The following GABRA4 variants were observed in gnomAD, a reference collection of about 807,000 sequenced individuals.
The protein encoded by GABRA4 is gamma-aminobutyric acid type A receptor subunit alpha4.
In GABRA4, 12 loss-of-function variants were observed where a neutral mutation model predicts 49.7. That is an observed-to-expected ratio of 0.24 (90% CI 0.15 to 0.39). GABRA4 has a LOEUF of 0.39. GABRA4 is among the 10% of genes least tolerant of loss of function. GABRA4 has a pLI of 1.00. For synonymous variants in GABRA4, 288 were observed against 240.2 expected, an observed-to-expected ratio of 1.20 and a Z score of -1.84; for missense variants, 506 against 686.0, an observed-to-expected ratio of 0.74 and a Z score of 2.93.
intron 8 of GABRA4, among the ~76,000 whole-genome samples, chr4:46,958,826 A>T (rs1722458792): frequency 6.6e-6 from 1 of 152,012 alleles, no homozygotes; most frequent in South Asian, 2.1e-4. Context: ...GGTCACATAT[A>T]GTGATGATGA....
At chr4:46,930,473 T>C (rs1038249466) in intron 8 of GABRA4, among the ~76,000 whole-genome samples, 1 of 151,968 alleles carries the variant, frequency 6.6e-6, no homozygotes, top group African/African-American at 2.4e-5. Flanking sequence ...AAAGAGCATA[T>C]ATAATCATTG....
rs1037270390 is a variant in GABRA4 at position 46,992,819 on chromosome 4, C to A, written c.205+9G>T. 1 of 1,600,854 alleles carries A rather than the reference C, an allele frequency of 6.2e-7. No homozygotes were observed. Among genetic ancestry groups the A allele is most frequent in the African/African-American group, 1.3e-5 (1 of 74,776 alleles). ...CAGGACACACTTGCGCGTTTGAAAT[C>A]GTTCATACCCCCAAATCCAGGACGC... On this transcript the variant is annotated intron_variant, in intron 2 of 8. Coordinates refer to ENST00000264318, the MANE Select transcript of GABRA4 (RefSeq NM_000809.4).
At chr4:46,967,567 T>C (rs527841711) in intron 7 of GABRA4, among the ~76,000 whole-genome samples, 1 of 151,764 alleles carries the variant, frequency 6.6e-6, no homozygotes, top group Admixed American at 6.6e-5. Context: ...TGGATTATAC[T>C]GGTTTATTAT....
intron 8 of GABRA4, among the ~76,000 whole-genome samples, chr4:46,929,817 A>G (rs1343862590): frequency 6.6e-6 from 1 of 152,040 alleles, no homozygotes; most frequent in Non-Finnish European, 1.5e-5. Flanking sequence ...TTACCATTTC[A>G]TGAAGTAGAT....
chr4:46,975,206 T>A (rs1723098069), intron 5 of GABRA4, among the ~76,000 whole-genome samples: 1 of 151,948 alleles, frequency 6.6e-6, no homozygotes, highest in Non-Finnish European at 1.5e-5. Context: ...CAAACCATCC[T>A]AAAATGGCTA....
At chr4:46,961,528 G>A (rs12696822) in intron 8 of GABRA4, among the ~76,000 whole-genome samples, 79,095 of 151,660 alleles carry the variant, frequency 0.52, 20,939 homozygotes, top group East Asian at 0.7. Context: ...TACACTATCG[G>A]CTCACAGATT....
intron 8 of GABRA4, 74 bp downstream of exon 8, chr4:46,964,896 A>T: frequency 6.9e-7 from 1 of 1,448,396 alleles, no homozygotes; most frequent in East Asian, 2.3e-5. Flanking sequence ...TTAAGTTCTC[A>T]GTTTGTTTCC....
At chr4:46,993,279 C>T (rs79099349) in intron 1 of GABRA4, 60 bp downstream of exon 1, 2,672 of 1,448,632 alleles carry the variant, frequency 1.8e-3, no homozygotes, top group Non-Finnish European at 2.1e-3. Context: ...CAAAGGGGTC[C>T]CGGAGCTAGC....
At chr4:46,964,766 A>G (rs998862185) in intron 8 of GABRA4, among the ~76,000 whole-genome samples, 3 of 151,838 alleles carry the variant, frequency 2.0e-5, no homozygotes, top group Non-Finnish European at 4.4e-5. Context: ...GCCTACATCT[A>G]GCTCTGTCAC....
chr4:46,930,368 GA>G (rs1325291045), intron 8 of GABRA4, among the ~76,000 whole-genome samples: 1 of 151,938 alleles, frequency 6.6e-6, no homozygotes, highest in Non-Finnish European at 1.5e-5. Context: ...TCTTGTTACA[GA>G]AAAGGATAGT....
At chr4:46,950,375 C>T (rs1722128377) in intron 8 of GABRA4, among the ~76,000 whole-genome samples, 1 of 152,004 alleles carries the variant, frequency 6.6e-6, no homozygotes, top group Admixed American at 6.6e-5. Flanking sequence ...AACAAATAAC[C>T]TAACGAATTT....
intron 8 of GABRA4, among the ~76,000 whole-genome samples, chr4:46,942,340 A>G (rs1721831821): frequency 6.6e-6 from 1 of 152,044 alleles, no homozygotes; most frequent in Admixed American, 6.6e-5. Context: ...TTTTTAACTC[A>G]TTGTTACTTG....
chr4:46,947,398 C>T (rs1722018438), intron 8 of GABRA4, among the ~76,000 whole-genome samples: 1 of 152,016 alleles, frequency 6.6e-6, no homozygotes, highest in Non-Finnish European at 1.5e-5. Context: ...TGAATTCTGT[C>T]TGCCTGCGTT....
intron 8 of GABRA4, among the ~76,000 whole-genome samples, chr4:46,931,717 T>G (rs1721442034): frequency 6.6e-6 from 1 of 152,108 alleles, no homozygotes; most frequent in South Asian, 2.1e-4. Flanking sequence ...AGTTCTTACT[T>G]GCTTACACTC....
intron 2 of GABRA4, among the ~76,000 whole-genome samples, chr4:46,984,937 A>G (rs886221672): frequency 1.3e-5 from 2 of 152,030 alleles, no homozygotes; most frequent in African/African-American, 4.8e-5. Flanking sequence ...CTTGATATAT[A>G]TGCAAAAGAA....
intron 8 of GABRA4, among the ~76,000 whole-genome samples, chr4:46,954,556 C>CAAA (rs60422399): frequency 1.0e-4 from 9 of 88,850 alleles, no homozygotes; most frequent in African/African-American, 3.7e-4. Flanking sequence ...AAACGCCATC[C>CAAA]AAAAAAAAAA....
chr4:46,980,466 T>G (rs1387152654), intron 2 of GABRA4, among the ~76,000 whole-genome samples: 3 of 151,882 alleles, frequency 2.0e-5, no homozygotes, highest in Admixed American at 1.3e-4. Context: ...ATATTTCTTC[T>G]TCTAAAGAAT....
At position 46,968,759 on chromosome 4, in the gene GABRA4, C is replaced by G. The variant is rs1424460710; in HGVS notation, c.874+2324G>C. ...TGAGTACAGCTGTAATCAATACTAG[C>G]CTTCCCCACACCACTGGAAATTTCT... is the stretch of plus-strand genomic sequence containing the variant. On this transcript the variant is annotated intron_variant, in intron 7 of 8. Transcript: ENST00000264318. Among the ~76,000 whole-genome samples, 3 of 151,526 alleles carry G rather than the reference C, an allele frequency of 2.0e-5. No individual in the cohort carries two copies. In the South Asian group the frequency reaches 6.2e-4, roughly 31 times the overall value.
chr4:46,974,262 C>G lies in GABRA4; in HGVS notation c.691G>C (p.Val231Leu). 1 of 1,610,586 alleles carries G rather than the reference C, an allele frequency of 6.2e-7. No homozygotes were observed. Among genetic ancestry groups the G allele is most frequent in the Admixed American group, 1.7e-5 (1 of 59,750 alleles). The change falls in exon 6 of 9, where the codon GTA becomes CTA. Residue 231 changes from valine to leucine, a missense_variant. By Grantham distance (32) the Val-to-Leu change is conservative (BLOSUM62 1). Coordinates refer to ENST00000264318, the MANE Select transcript of GABRA4 (RefSeq NM_000809.4). ...ATTGATTTGATGGTTTCACTTGATA[C>G]GGTTTGCCCAATCAAATCATATTGA... is the stretch of plus-strand genomic sequence containing the variant. ...LVQYDLIGQT[V>L]SSETIKSITG...
Sources: allele counts gnomAD v4.1 joint callset (sites outside exome capture counted in the v4.1 genomes callset), GRCh38; gene constraint gnomAD v4.1.1; transcripts MANE v1.5; gene names NCBI Gene and HGNC (gene_info 2026-07-23, HGNC 2026-07-21).